Variants in RAD51B observed in about 807,000 individuals in gnomAD.
RAD51B encodes the protein RAD51 paralog B.
RAD51B carries 38 observed loss-of-function variants against 42.2 expected under a neutral mutation model. That is an observed-to-expected ratio of 0.90 (90% CI 0.70 to 1.18). The LOEUF is 1.18. RAD51B is among the 50% of genes most tolerant of loss of function. RAD51B has a pLI of 0.00. For synonymous variants in RAD51B, 154 were observed against 145.2 expected (o/e 1.06, Z -0.43); for missense variants, 373 against 400.7 (o/e 0.93, Z 0.59).
At chr14:68,144,628 C>T (rs1475629426) in intron 7 of RAD51B, among the ~76,000 whole-genome samples, 1 of 152,130 alleles carries the variant, frequency 6.6e-6, no homozygotes, top group Non-Finnish European at 1.5e-5. Flanking sequence ...CTATCTTGCC[C>T]TATACCTGGC....
chr14:68,459,574 A>G (rs924472231), intron 9 of RAD51B, among the ~76,000 whole-genome samples: 1 of 152,222 alleles, frequency 6.6e-6, no homozygotes, highest in Admixed American at 6.5e-5. Context: ...AGCATCAGAC[A>G]CATTCAACAA....
intron 8 of RAD51B, among the ~76,000 whole-genome samples, chr14:68,317,646 C>T (rs1366260128): frequency 2.0e-5 from 3 of 152,118 alleles, no homozygotes; most frequent in African/African-American, 7.2e-5. Context: ...GAAACAAGTC[C>T]ATCACTCCTT....
intron 7 of RAD51B, among the ~76,000 whole-genome samples, chr14:68,065,732 G>A (rs2076639994): frequency 6.6e-6 from 1 of 152,076 alleles, no homozygotes; most frequent in African/African-American, 2.4e-5. Flanking sequence ...TTGGGATGGG[G>A]AATATGGAGC....
intron 7 of RAD51B, among the ~76,000 whole-genome samples, chr14:67,910,444 A>AAAAAT (rs2043938121): frequency 1.5e-5 from 2 of 137,530 alleles, no homozygotes; most frequent in African/African-American, 5.3e-5. Flanking sequence ...AAAAAAAAAT[A>AAAAAT]TTTAAATAAA....
intron 7 of RAD51B, among the ~76,000 whole-genome samples, chr14:67,922,161 G>A (rs533389193): frequency 6.6e-6 from 1 of 152,234 alleles, no homozygotes; most frequent in South Asian, 2.1e-4. Context: ...ATGACCCTTC[G>A]TGGTGCCAGA....
intron 7 of RAD51B, among the ~76,000 whole-genome samples, chr14:68,019,135 A>G (rs1243748511): frequency 6.6e-6 from 1 of 152,088 alleles, no homozygotes; most frequent in Non-Finnish European, 1.5e-5. Context: ...TGAAAAAAAA[A>G]AACACACCAA....
intron 10 of RAD51B, among the ~76,000 whole-genome samples, chr14:68,553,727 G>C (rs927263032): frequency 7.8e-6 from 1 of 128,234 alleles, no homozygotes; most frequent in African/African-American, 2.8e-5. Context: ...TGGGTGGGGG[G>C]AGGGTGGGGA....
intron 7 of RAD51B, among the ~76,000 whole-genome samples, chr14:68,153,633 C>CT (rs1228992744): frequency 1.3e-5 from 2 of 151,936 alleles, no homozygotes; most frequent in Non-Finnish European, 2.9e-5. Flanking sequence ...ATATATATGT[C>CT]TTTTTTTGAA....
intron 8 of RAD51B, among the ~76,000 whole-genome samples, chr14:68,331,789 A>G (rs1252260904): frequency 2.6e-5 from 4 of 152,220 alleles, no homozygotes; most frequent in Admixed American, 6.5e-5. Context: ...ATTATCCTGC[A>G]TAGATTCAAG....
chr14:68,345,947 C>A (rs2082669181), intron 8 of RAD51B, among the ~76,000 whole-genome samples: 1 of 152,232 alleles, frequency 6.6e-6, no homozygotes, highest in Non-Finnish European at 1.5e-5. Context: ...AGCCACTGTG[C>A]CTGGGCAGTT....
At chr14:68,312,015 A>G (rs1355314480) in intron 8 of RAD51B, among the ~76,000 whole-genome samples, 1 of 152,276 alleles carries the variant, frequency 6.6e-6, no homozygotes, top group Non-Finnish European at 1.5e-5. Flanking sequence ...CAAATCAACT[A>G]AATACAATTT....
chr14:68,472,133 T>C (rs1028313916), intron 10 of RAD51B: 4 of 151,936 alleles, frequency 2.6e-5, no homozygotes, highest in African/African-American at 9.7e-5. Context: ...AGAGCAGGAG[T>C]TGGTTCTGGG....
chr14:67,944,645 A>G lies in RAD51B; in HGVS notation c.756+57441A>G, dbSNP rs1276971625. Among the ~76,000 whole-genome samples the G allele has an allele frequency of 2.6e-5, 4 of 152,332 alleles. No homozygotes were observed. The East Asian group carries it at 7.7e-4, about 29-fold the overall frequency. On this transcript the variant is annotated intron_variant, in intron 7 of 10. Coordinates refer to ENST00000471583, the MANE Select transcript of RAD51B (RefSeq NM_133510.4). ...TCTTAGTACTAATTGTATGAATTTTATTATTCACTTTTCTAGGTAAATAAA... is the reference window on the plus strand; with the variant it reads ...TCTTAGTACTAATTGTATGAATTTTGTTATTCACTTTTCTAGGTAAATAAA...
intron 7 of RAD51B, among the ~76,000 whole-genome samples, chr14:68,021,437 A>G (rs1245194042): frequency 1.3e-5 from 2 of 152,210 alleles, no homozygotes; most frequent in Non-Finnish European, 2.9e-5. Flanking sequence ...TCATTTTCCC[A>G]TATCTTCACT....
chr14:68,512,519 A>G (rs1885800145), intron 10 of RAD51B, among the ~76,000 whole-genome samples: 1 of 152,242 alleles, frequency 6.6e-6, no homozygotes, highest in Admixed American at 6.5e-5. Flanking sequence ...CTCATGGTTC[A>G]GCATCCAAAT....
At chr14:68,555,352 A>G (rs1247383558) in intron 10 of RAD51B, among the ~76,000 whole-genome samples, 1 of 152,244 alleles carries the variant, frequency 6.6e-6, no homozygotes, top group Non-Finnish European at 1.5e-5. Flanking sequence ...CAGGGGAAGA[A>G]ACCCACACTG....
At chr14:67,852,095 A>C (rs1183481575) in intron 4 of RAD51B, among the ~76,000 whole-genome samples, 4 of 152,214 alleles carry the variant, frequency 2.6e-5, no homozygotes, top group Non-Finnish European at 5.9e-5. Context: ...TGACAGAGGC[A>C]GTTGCAGTGG....
chr14:67,839,132 A>G (rs2041343610), intron 4 of RAD51B, among the ~76,000 whole-genome samples: 1 of 152,094 alleles, frequency 6.6e-6, no homozygotes, highest in Non-Finnish European at 1.5e-5. Flanking sequence ...ATGGATATTC[A>G]GCTGTAATTT....
rs73288031 is a variant in RAD51B, at chr14:68,150,435, T to C, written c.757-141449T>C. On this transcript the variant is annotated intron_variant, in intron 7 of 10. Coordinates refer to ENST00000471583, the MANE Select transcript of RAD51B (RefSeq NM_133510.4). ...GACTTCTTAACAATATTGAGTCTTC[T>C]TATCCATGAACATAGAATATTTCTC... Among the ~76,000 whole-genome samples the C allele has an allele frequency of 7.6e-3, 1,144 of 151,486 alleles. 15 individuals are homozygous for C. The highest frequency in any genetic ancestry group is 0.027 in the African/African-American group (1,109 of 41,342).
Sources: gnomAD v4.1 joint callset for allele counts (sites outside exome capture counted in the v4.1 genomes callset) on GRCh38, gnomAD v4.1.1 for gene constraint, MANE v1.5 for transcripts, NCBI Gene and HGNC (gene_info 2026-07-23, HGNC 2026-07-21) for gene names.